Variants in NSMCE2 observed in about 807,000 individuals in gnomAD.
The protein encoded by NSMCE2 is E3 SUMO-protein ligase NSE2.
A neutral mutation model predicts 23.8 loss-of-function variants in NSMCE2; 24 were observed. The observed-to-expected ratio is 1.01, with a 90% CI of 0.73 to 1.42. The LOEUF is 1.42. NSMCE2 is among the 40% of genes most tolerant of loss of function. NSMCE2 has a pLI of 0.00. For missense variants in NSMCE2, 284 were observed against 296.5 expected (o/e 0.96, Z 0.31); for synonymous variants, 92 against 94.1 (o/e 0.98, Z 0.13).
intron 5 of NSMCE2, among the ~76,000 whole-genome samples, chr8:125,296,088 C>T (rs1828312775): frequency 6.6e-6 from 1 of 152,184 alleles, no homozygotes; most frequent in Admixed American, 6.5e-5. Flanking sequence ...ACTTATTAAA[C>T]ATTTACTACA....
At chr8:125,239,534 G>A (rs148941466) in intron 5 of NSMCE2, among the ~76,000 whole-genome samples, 6 of 150,776 alleles carry the variant, frequency 4.0e-5, no homozygotes, top group African/African-American at 7.3e-5. Flanking sequence ...GCTTTAACCC[G>A]GGAGGCAGAG....
At chr8:125,303,370 T>C (rs1828636890) in intron 5 of NSMCE2, among the ~76,000 whole-genome samples, 1 of 152,190 alleles carries the variant, frequency 6.6e-6, no homozygotes, top group Non-Finnish European at 1.5e-5. Context: ...CTGATTCATT[T>C]GCAGGACCAA....
chr8:125,188,452 C>T (rs952942449), intron 5 of NSMCE2, among the ~76,000 whole-genome samples: 4 of 152,198 alleles, frequency 2.6e-5, no homozygotes, highest in South Asian at 2.1e-4. Flanking sequence ...ACACCTGTCA[C>T]CCCTGCCAGC....
At chr8:125,135,987 GCT>G (rs556834386) in intron 3 of NSMCE2, among the ~76,000 whole-genome samples, 144 of 152,280 alleles carry the variant, frequency 9.5e-4, no homozygotes, top group Non-Finnish European at 1.9e-3. Context: ...CAGCCTGGAG[GCT>G]CTCTCAGGAT....
At chr8:125,261,067 A>G (rs774991553) in intron 5 of NSMCE2, among the ~76,000 whole-genome samples, 1 of 152,212 alleles carries the variant, frequency 6.6e-6, no homozygotes, top group Non-Finnish European at 1.5e-5. Flanking sequence ...CGATATTTAC[A>G]TTTCGGTGAA....
rs576018060 is a variant in NSMCE2 at position 125,151,243 on chromosome 8, A to G, written c.230A>G (p.His77Arg). ...EFATLDRQLN[H>R]YVKAVQSTIN... Reference sequence around the variant, plus strand: ...GCTACATTGGATCGGCAACTAAACCATTATGTAAAGGCTGTTCAATCTACA... The same window carrying G: ...GCTACATTGGATCGGCAACTAAACCGTTATGTAAAGGCTGTTCAATCTACA... Residue 77 changes from histidine to arginine, a missense_variant, in exon 4 of 8, where the codon CAT (histidine) becomes CGT (arginine). His to Arg is a conservative substitution (Grantham distance 29). This residue lies in a region of NSMCE2 where 182 missense variants were observed against 155.5 expected (regional missense o/e 1.17). Coordinates refer to ENST00000287437, the MANE Select transcript of NSMCE2 (RefSeq NM_173685.4). 3.7e-6 allele frequency: 6 copies of G among 1,604,280 alleles called. No homozygotes were observed. In the African/African-American group the frequency reaches 5.3e-5, roughly 14 times the overall value.
intron 5 of NSMCE2, among the ~76,000 whole-genome samples, chr8:125,183,150 C>G (rs1254630870): frequency 6.6e-6 from 1 of 152,156 alleles, no homozygotes; most frequent in Non-Finnish European, 1.5e-5. Flanking sequence ...TGATATGAGA[C>G]ATAAATTTAC....
intron 5 of NSMCE2, among the ~76,000 whole-genome samples, chr8:125,274,253 A>C (rs908404658): frequency 1.3e-5 from 2 of 151,696 alleles, no homozygotes; most frequent in Admixed American, 1.3e-4. Context: ...AAAATGAAAC[A>C]AAAAAAAACT....
chr8:125,308,313 T>C, intron 5 of NSMCE2, among the ~76,000 whole-genome samples: 1 of 152,182 alleles, frequency 6.6e-6, no homozygotes, highest in East Asian at 1.9e-4. Flanking sequence ...TCTCTGGATG[T>C]TTTGGGGGGA....
chr8:125,272,432 G>A (rs1827242495), intron 5 of NSMCE2, among the ~76,000 whole-genome samples: 1 of 150,708 alleles, frequency 6.6e-6, no homozygotes. Context: ...TCTAGAAAAG[G>A]ACATACAAGA....
intron 5 of NSMCE2, among the ~76,000 whole-genome samples, chr8:125,287,372 C>T (rs1161999840): frequency 6.6e-6 from 1 of 152,076 alleles, no homozygotes; most frequent in Admixed American, 6.6e-5. Context: ...GAATTTGCCT[C>T]CAGCTATCTG....
chr8:125,344,709 C>T (rs1045385781), intron 5 of NSMCE2, among the ~76,000 whole-genome samples: 3 of 149,458 alleles, frequency 2.0e-5, no homozygotes, highest in Non-Finnish European at 4.4e-5. Context: ...CACCACTGCA[C>T]TCCAGCCTGG....
At chr8:125,239,326 G>C (rs1196729857) in intron 5 of NSMCE2, among the ~76,000 whole-genome samples, 1 of 151,990 alleles carries the variant, frequency 6.6e-6, no homozygotes, top group Non-Finnish European at 1.5e-5. Flanking sequence ...TTTAAAAATT[G>C]GGTGGGGCAC....
intron 5 of NSMCE2, among the ~76,000 whole-genome samples, chr8:125,275,533 TC>T (rs1214889110): frequency 6.6e-6 from 1 of 152,112 alleles, no homozygotes; most frequent in Non-Finnish European, 1.5e-5. Flanking sequence ...CTTCCTGAAT[TC>T]TACTCATTTG....
intron 5 of NSMCE2, among the ~76,000 whole-genome samples, chr8:125,227,632 G>A (rs1405339747): frequency 2.0e-5 from 3 of 152,074 alleles, no homozygotes. Flanking sequence ...ATAAACTCTG[G>A]TGTTTGCAAA....
At chr8:125,282,277 C>T (rs1827726493) in intron 5 of NSMCE2, among the ~76,000 whole-genome samples, 1 of 152,028 alleles carries the variant, frequency 6.6e-6, no homozygotes, top group Non-Finnish European at 1.5e-5. Flanking sequence ...CTACACCCAG[C>T]AAATTTTTGT....
chr8:125,240,076 T>A (rs1410986223), intron 5 of NSMCE2, among the ~76,000 whole-genome samples: 1 of 151,894 alleles, frequency 6.6e-6, no homozygotes, highest in African/African-American at 2.4e-5. Context: ...AGAACAGAAT[T>A]CTCCTGAAGT....
chr8:125,267,486 G>T (rs903680333), intron 5 of NSMCE2, among the ~76,000 whole-genome samples: 1 of 152,168 alleles, frequency 6.6e-6, no homozygotes, highest in Non-Finnish European at 1.5e-5. Flanking sequence ...TGAATGCTAC[G>T]CTAAGAAATC....
At chr8:125,176,072 A>T (rs1386886076) in intron 4 of NSMCE2, among the ~76,000 whole-genome samples, 1 of 152,232 alleles carries the variant, frequency 6.6e-6, no homozygotes, top group Non-Finnish European at 1.5e-5. Context: ...GGTTCTAATT[A>T]CATGTAGCTA....
Sources: allele counts gnomAD v4.1 joint callset (sites outside exome capture counted in the v4.1 genomes callset), GRCh38; gene constraint gnomAD v4.1.1; regional missense constraint gnomAD v4.1.1; transcripts MANE v1.5; gene names NCBI Gene and HGNC (gene_info 2026-07-23, HGNC 2026-07-21).